C3orf33: variants seen among roughly 807,000 people sequenced by gnomAD.
C3orf33 encodes AP-1 activity suppressor.
Under a neutral mutation model 28.7 loss-of-function variants are expected in C3orf33, and 23 were observed. The observed-to-expected ratio is 0.80, with a 90% CI of 0.58 to 1.13. The LOEUF is 1.13. Ranked by LOEUF, C3orf33 falls within the 50% of genes most tolerant of loss-of-function variation. The pLI, the probability that C3orf33 is intolerant of heterozygous loss-of-function variation, is 0.00. For synonymous variants in C3orf33, 119 were observed against 120.5 expected, an observed-to-expected ratio of 0.99 and a Z score of 0.08; for missense variants, 327 against 353.4, an observed-to-expected ratio of 0.93 and a Z score of 0.60.
rs1385184627 is a variant in C3orf33, at chr3:155,787,349, T to C, written c.175-11501A>G. On this transcript the variant is annotated intron_variant, in intron 2 of 4. Coordinates refer to ENST00000340171, the MANE Select transcript of C3orf33 (RefSeq NM_001308229.2). ...GAGCAGCTGAGACCACAGGTATGCT[T>C]TTTTTTTTTTTTTTTTTGGAGACAG... Among the ~76,000 whole-genome samples, 86 of 6,144 alleles carry C rather than the reference T, an allele frequency of 0.014. 3 individuals are homozygous for C. The South Asian group carries it at 0.24, about 17-fold the overall frequency. The allele number at this position is 6,144 out of a possible 152,430, so 4.0% of individuals were successfully genotyped here.
At chr3:155,783,651 G>T (rs1326351770) in intron 2 of C3orf33, among the ~76,000 whole-genome samples, 1 of 151,926 alleles carries the variant, frequency 6.6e-6, no homozygotes, top group African/African-American at 2.4e-5. Context: ...TATTGTAGTA[G>T]AGACAGGGTT....
At chr3:155,775,323 C>T (rs1750706538) in intron 3 of C3orf33, among the ~76,000 whole-genome samples, 1 of 152,068 alleles carries the variant, frequency 6.6e-6, no homozygotes, top group African/African-American at 2.4e-5. Context: ...AACCCCATCT[C>T]TACTAAAAAT....
chr3:155,774,539 G>A (rs560441191), intron 3 of C3orf33, among the ~76,000 whole-genome samples: 1 of 152,248 alleles, frequency 6.6e-6, no homozygotes, highest in East Asian at 1.9e-4. Context: ...AATTGCAGCA[G>A]GAAAGTGGCA....
chr3:155,764,761 C>T (rs1268144348), intron 4 of C3orf33, among the ~76,000 whole-genome samples: 1 of 151,916 alleles, frequency 6.6e-6, no homozygotes, highest in Non-Finnish European at 1.5e-5. Flanking sequence ...AAGGCTGAGG[C>T]AGGAGAATTG....
intron 2 of C3orf33, among the ~76,000 whole-genome samples, chr3:155,786,529 T>C (rs1751120403): frequency 6.6e-6 from 1 of 151,998 alleles, no homozygotes. Flanking sequence ...GATAAATTCA[T>C]AGAAACAAAA....
chr3:155,780,783 G>C (rs1018592356), intron 2 of C3orf33, among the ~76,000 whole-genome samples: 1 of 152,172 alleles, frequency 6.6e-6, no homozygotes, highest in African/African-American at 2.4e-5. Context: ...AAATTCTGCT[G>C]AAGGCTTCTG....
At chr3:155,769,500 A>G (rs1453971456) in intron 3 of C3orf33, among the ~76,000 whole-genome samples, 1 of 151,708 alleles carries the variant, frequency 6.6e-6, no homozygotes, top group Non-Finnish European at 1.5e-5. Context: ...AAAAAAAAAA[A>G]AAAGAAGAAG....
At chr3:155,790,412 T>C (rs1395140215) in intron 2 of C3orf33, among the ~76,000 whole-genome samples, 1 of 151,346 alleles carries the variant, frequency 6.6e-6, no homozygotes, top group African/African-American at 2.4e-5. Context: ...CAGGCAACAA[T>C]TAAAAAAAGA....
intron 2 of C3orf33, among the ~76,000 whole-genome samples, chr3:155,781,051 G>A (rs920561484): frequency 6.7e-6 from 1 of 148,808 alleles, no homozygotes; most frequent in Non-Finnish European, 1.5e-5. Context: ...ACTGCGGACT[G>A]CAGTGGCGCA....
At chr3:155,763,991 T>G in intron 4 of C3orf33, 73 bp from the exon 5 acceptor site, 1 of 1,123,334 alleles carries the variant, frequency 8.9e-7, no homozygotes, top group Non-Finnish European at 1.1e-6. Flanking sequence ...TTATTTACCT[T>G]AAAAATCAGT....
chr3:155,776,369 T>C (rs1401050789), intron 2 of C3orf33, among the ~76,000 whole-genome samples: 3 of 152,208 alleles, frequency 2.0e-5, no homozygotes, highest in East Asian at 1.9e-4. Flanking sequence ...ATTAGGACTG[T>C]ACTACAATCC....
At chr3:155,766,741 G>A (rs145134401) in intron 4 of C3orf33, among the ~76,000 whole-genome samples, 1,778 of 152,326 alleles carry the variant, frequency 0.012, 46 homozygotes, top group African/African-American at 0.041. Context: ...CTGAGGTCAG[G>A]AGTTCGAGAC....
rs116522015 is a variant in C3orf33 at position 155,771,217 on chromosome 3, C to T, written c.323-3548G>A. Among the ~76,000 whole-genome samples, 283 of 152,064 alleles carry T rather than the reference C, an allele frequency of 1.9e-3. 1 individual carries two copies. The highest frequency in any genetic ancestry group is 6.7e-3 in the African/African-American group (278 of 41,492). On this transcript the variant is annotated intron_variant, in intron 3 of 4. Coordinates refer to ENST00000340171, the MANE Select transcript of C3orf33 (RefSeq NM_001308229.2). ...ACCTCCCAGGCTCAAGCGATCCTCCCATATCAGCCTCGCAAGTAACCAGGG... is the reference window on the plus strand; with the variant it reads ...ACCTCCCAGGCTCAAGCGATCCTCCTATATCAGCCTCGCAAGTAACCAGGG...
intron 4 of C3orf33, among the ~76,000 whole-genome samples, chr3:155,766,053 G>A (rs35963081): frequency 0.37 from 56,923 of 151,964 alleles, 12,098 homozygotes; most frequent in Middle Eastern, 0.52. Context: ...TTACAAGAAG[G>A]GGTCTCTCTC....
chr3:155,790,981 A>G (rs546553813), intron 2 of C3orf33, among the ~76,000 whole-genome samples: 4 of 152,344 alleles, frequency 2.6e-5, no homozygotes, highest in Middle Eastern at 3.4e-3. Flanking sequence ...TGAGACATCA[A>G]TGAGGGTGGC....
At chr3:155,777,021 A>C (rs1243455432) in intron 2 of C3orf33, among the ~76,000 whole-genome samples, 1 of 152,110 alleles carries the variant, frequency 6.6e-6, no homozygotes, top group African/African-American at 2.4e-5. Context: ...ATTTTTAAAA[A>C]TCATAGTGAC....
At chr3:155,795,782 C>A (rs373562842) in intron 2 of C3orf33, among the ~76,000 whole-genome samples, 176 of 151,876 alleles carry the variant, frequency 1.2e-3, no homozygotes, top group African/African-American at 3.8e-3. Context: ...ACAGTGAAAC[C>A]CTGTCTCTAC....
At chr3:155,784,732 A>G (rs987470418) in intron 2 of C3orf33, among the ~76,000 whole-genome samples, 4 of 151,498 alleles carry the variant, frequency 2.6e-5, no homozygotes, top group Admixed American at 1.3e-4. Flanking sequence ...TCTCAAAAAA[A>G]ATAAAATAAA....
intron 4 of C3orf33, among the ~76,000 whole-genome samples, chr3:155,764,701 C>T (rs2109247607): frequency 6.6e-6 from 1 of 151,500 alleles, no homozygotes; most frequent in South Asian, 2.1e-4. Flanking sequence ...AAAAAAAACA[C>T]AAAAATTAGC....
Sources: gnomAD v4.1 joint callset for allele counts (sites outside exome capture counted in the v4.1 genomes callset) on GRCh38, gnomAD v4.1.1 for gene constraint, MANE v1.5 for transcripts, NCBI Gene and HGNC (gene_info 2026-07-23, HGNC 2026-07-21) for gene names.